Variants in RASGRF2 observed in about 807,000 individuals in gnomAD.
The protein encoded by RASGRF2 is Ras protein specific guanine nucleotide releasing factor 2.
A neutral mutation model predicts 151.0 loss-of-function variants in RASGRF2; 76 were observed. The ratio of observed to expected loss-of-function variants is 0.50; its 90% confidence interval spans 0.42 to 0.61. The LOEUF (loss-of-function observed/expected upper bound fraction) is 0.61. RASGRF2 is among the 20% of genes least tolerant of loss of function. The probability of loss-of-function intolerance (pLI) is 0.00; values close to 1 mark genes in which losing one functional copy is unlikely to be tolerated. For missense variants in RASGRF2, 1,148 were observed against 1,564.6 expected (o/e 0.73, Z 4.49); for synonymous variants, 504 against 566.5 (o/e 0.89, Z 1.57).
intron 18 of RASGRF2, among the ~76,000 whole-genome samples, chr5:81,190,611 T>C (rs1053599504): frequency 1.3e-5 from 2 of 152,208 alleles, no homozygotes; most frequent in Non-Finnish European, 2.9e-5. Flanking sequence ...ATTCCAAAGA[T>C]AGATTTTTAT....
chr5:81,146,447 C>T (rs879466287), intron 17 of RASGRF2, among the ~76,000 whole-genome samples: 1 of 151,962 alleles, frequency 6.6e-6, no homozygotes, highest in African/African-American at 2.4e-5. Flanking sequence ...TACAGACATG[C>T]TGGTCTCTTG....
At position 81,183,414 on chromosome 5, in the gene RASGRF2, A is replaced by T. The variant is rs1252356982; in HGVS notation, c.2793+3133A>T. The T allele has an allele frequency of 7.6e-6, 5 of 653,986 alleles. No individual in the cohort carries two copies. In the African/African-American group the frequency reaches 9.9e-5, roughly 13 times the overall value. The allele number at this position is 653,986 out of a possible 1,614,324, so 40.5% of individuals were successfully genotyped here. A position where few individuals can be genotyped will look rare whatever the true frequency, so the allele number is the denominator to read the frequency against. On this transcript the variant is annotated intron_variant, in intron 18 of 26. Transcript: ENST00000265080. ...TTAGGGGTTGGTTCTCCAGAGAAAT[A>T]AGAATGCCCCAGGATGTCACCTCCT... is the stretch of plus-strand genomic sequence containing the variant.
intron 7 of RASGRF2, 24 bp from the exon 8 acceptor site, chr5:81,085,778 A>T: frequency 6.2e-7 from 1 of 1,613,922 alleles, no homozygotes; most frequent in South Asian, 1.1e-5. Context: ...TGTCTTGCTC[A>T]TACTGGCCTC....
At chr5:81,075,504 C>G (rs1751912044) in intron 5 of RASGRF2, among the ~76,000 whole-genome samples, 1 of 152,152 alleles carries the variant, frequency 6.6e-6, no homozygotes, top group Non-Finnish European at 1.5e-5. Context: ...CTTCCCCCAT[C>G]GGAGGCCCCT....
At chr5:81,134,079 C>CGTGTGTGTGT (rs139770057) in intron 17 of RASGRF2, among the ~76,000 whole-genome samples, 6,147 of 143,688 alleles carry the variant, frequency 0.043, 204 homozygotes, top group East Asian at 0.11. Flanking sequence ...TGCTTGTGTG[C>CGTGTGTGTGT]GTGTGTGTGT....
At chr5:81,008,267 C>T (rs1375722188) in intron 1 of RASGRF2, among the ~76,000 whole-genome samples, 2 of 150,070 alleles carry the variant, frequency 1.3e-5, no homozygotes, top group African/African-American at 2.4e-5. Context: ...TCTCCTGCCT[C>T]AGCCTCCCCA....
chr5:81,217,904 G>A (rs984152499), intron 25 of RASGRF2, among the ~76,000 whole-genome samples: 7 of 152,028 alleles, frequency 4.6e-5, no homozygotes, highest in South Asian at 2.1e-4. Flanking sequence ...CACCACGCCT[G>A]GCTAATTTTT....
At chr5:81,049,309 T>C (rs1258933863) in intron 2 of RASGRF2, among the ~76,000 whole-genome samples, 6 of 152,312 alleles carry the variant, frequency 3.9e-5, no homozygotes, top group Non-Finnish European at 7.3e-5. Flanking sequence ...GATTTTTCTG[T>C]ATATTTGCAT....
At chr5:81,035,260 T>C (rs1293483738) in intron 1 of RASGRF2, among the ~76,000 whole-genome samples, 4 of 152,064 alleles carry the variant, frequency 2.6e-5, no homozygotes, top group East Asian at 1.9e-4. Flanking sequence ...GGCACATATA[T>C]ACCATGGAAT....
At chr5:81,104,851 A>T (rs1424222794) in intron 12 of RASGRF2, among the ~76,000 whole-genome samples, 1 of 152,194 alleles carries the variant, frequency 6.6e-6, no homozygotes, top group South Asian at 2.1e-4. Flanking sequence ...TGTTGGGAAC[A>T]GGAGAAAAAG....
chr5:81,093,435 A>G (rs1428914611), intron 10 of RASGRF2, among the ~76,000 whole-genome samples: 3 of 152,066 alleles, frequency 2.0e-5, no homozygotes, highest in African/African-American at 7.2e-5. Context: ...TTGTTGAGAT[A>G]GGATCTCACT....
Position 81,123,666 on chromosome 5 carries a change from A to T in RASGRF2, c.2495A>T (p.Asp832Val), listed in dbSNP as rs908676024. Reference sequence around the variant, plus strand: ...GCAGTCCTAGAGTCTGCACCAGCGGACCGAGCAGGAGTGGAAAGCTCCCCT... The same window carrying T: ...GCAGTCCTAGAGTCTGCACCAGCGGTCCGAGCAGGAGTGGAAAGCTCCCCT... ...QKAVLESAPA[D>V]RAGVESSPAA... The change falls in exon 16 of 27, where the codon GAC (aspartate) becomes GTC (valine). Residue 832 changes from aspartate to valine, a missense_variant. By Grantham distance (152) the Asp-to-Val change is radical. This residue lies in a region of RASGRF2 where 646 missense variants were observed against 807.4 expected (regional missense o/e 0.80). Transcript: ENST00000265080. The T allele has an allele frequency of 3.7e-6, 6 of 1,613,766 alleles. No homozygotes were observed. Among genetic ancestry groups the T allele is most frequent in the Non-Finnish European group, 4.2e-6 (5 of 1,179,958 alleles).
In RASGRF2 at chr5:81,206,078, G is replaced by A. The variant is rs143482345; in HGVS notation, c.2907-767G>A. Among the ~76,000 whole-genome samples, 296 of 152,272 alleles carry A rather than the reference G, an allele frequency of 1.9e-3. 3 individuals carry two copies. Among genetic ancestry groups the A allele is most frequent in the African/African-American group, 6.7e-3 (280 of 41,544 alleles). ...ATGCCTGGCTCCAATGGCAAATTAT[G>A]TAATTGGATGCCTACTGGACTCCAG... On this transcript the variant is annotated intron_variant, in intron 19 of 26. Coordinates refer to ENST00000265080, the MANE Select transcript of RASGRF2 (RefSeq NM_006909.3).
intron 15 of RASGRF2, among the ~76,000 whole-genome samples, chr5:81,120,717 C>T (rs549923541): frequency 1.1e-4 from 16 of 152,272 alleles, no homozygotes; most frequent in Admixed American, 9.8e-4. Flanking sequence ...TTCTGCAATT[C>T]CTAGAGTCCC....
At chr5:81,065,112 G>A (rs1004629306) in intron 2 of RASGRF2, among the ~76,000 whole-genome samples, 1 of 152,124 alleles carries the variant, frequency 6.6e-6, no homozygotes, top group African/African-American at 2.4e-5. Flanking sequence ...AGATGATAAT[G>A]CATCTTGATT....
chr5:81,199,854 C>A (rs1052078202), intron 18 of RASGRF2, among the ~76,000 whole-genome samples: 1 of 142,846 alleles, frequency 7.0e-6, no homozygotes, highest in African/African-American at 2.7e-5. Context: ...GCCGAGATCA[C>A]GTCACTGCAC....
At position 80,996,504 on chromosome 5, in the gene RASGRF2, C is replaced by CTTCTTCTT. The variant is rs56180832; in HGVS notation, c.288+35478_288+35479insTTCTTCTT. 2.2e-3 allele frequency among the ~76,000 whole-genome samples: 109 copies of CTTCTTCTT among 50,212 alleles called. 10 individuals are homozygous for CTTCTTCTT. The highest frequency in any genetic ancestry group is 2.7e-3 in the Non-Finnish European group (63 of 23,702). The allele number at this position is 50,212 out of a possible 152,430, so 32.9% of individuals were successfully genotyped here. On this transcript the variant is annotated intron_variant, in intron 1 of 26. Coordinates refer to ENST00000265080, the MANE Select transcript of RASGRF2 (RefSeq NM_006909.3). Reference sequence around the variant, plus strand: ...TCTTCTTCTTCTTCTTCTTCTTCTTCCTCCTCCTCCTCCTCCCCCTCCTCC... The same window carrying CTTCTTCTT: ...TCTTCTTCTTCTTCTTCTTCTTCTTCTTCTTCTTCTCCTCCTCCTCCTCCCCCTCCTCC...
chr5:80,976,975 T>G (rs1053479005), intron 1 of RASGRF2, among the ~76,000 whole-genome samples: 10 of 152,198 alleles, frequency 6.6e-5, no homozygotes, highest in African/African-American at 2.2e-4. Flanking sequence ...GGTCCTTAGA[T>G]GTACATGGTC....
intron 22 of RASGRF2, among the ~76,000 whole-genome samples, chr5:81,211,208 A>G (rs1207763356): frequency 6.6e-6 from 1 of 150,668 alleles, no homozygotes; most frequent in South Asian, 2.1e-4. Context: ...CCTCTGTACT[A>G]GACCAGATGC....
Sources: allele counts gnomAD v4.1 joint callset (sites outside exome capture counted in the v4.1 genomes callset), GRCh38; gene constraint gnomAD v4.1.1; regional missense constraint gnomAD v4.1.1; transcripts MANE v1.5; gene names NCBI Gene and HGNC (gene_info 2026-07-23, HGNC 2026-07-21).